The following CTNNA2 variants were observed in gnomAD, a reference collection of about 807,000 sequenced individuals.
The protein encoded by CTNNA2 is catenin alpha 2, also known as catenin alpha-2.
CTNNA2 carries 42 observed loss-of-function variants against 101.0 expected under a neutral mutation model. The ratio of observed to expected loss-of-function variants is 0.42; its 90% CI spans 0.32 to 0.54. The LOEUF is 0.54. Among genes scored for constraint, CTNNA2 ranks in the 20% least tolerant of loss-of-function variants. The probability of loss-of-function intolerance (pLI) is 0.14; values close to 1 mark genes in which losing one functional copy is unlikely to be tolerated. For synonymous variants in CTNNA2, 450 were observed against 456.4 expected (o/e 0.99, Z 0.18); for missense variants, 871 against 1,223.1 (o/e 0.71, Z 4.29).
chr2:80,348,383 G>A (rs1183487509), intron 7 of CTNNA2, among the ~76,000 whole-genome samples: 1 of 152,136 alleles, frequency 6.6e-6, no homozygotes, highest in Non-Finnish European at 1.5e-5. Flanking sequence ...ATGGTCTAAA[G>A]AATGTCATTT....
intron 1 of CTNNA2, among the ~76,000 whole-genome samples, chr2:79,645,084 G>A (rs1001081847): frequency 6.6e-6 from 1 of 152,064 alleles, no homozygotes; most frequent in Admixed American, 6.5e-5. Flanking sequence ...CTGGGCTCAG[G>A]CCATCTTCCC....
intron 7 of CTNNA2, among the ~76,000 whole-genome samples, chr2:80,356,206 C>T (rs1449679829): frequency 5.3e-5 from 8 of 152,148 alleles, no homozygotes; most frequent in Non-Finnish European, 1.2e-4. Flanking sequence ...AAGAAGTTGG[C>T]TGTCTATAAA....
At chr2:80,187,758 C>T (rs1000293969) in intron 7 of CTNNA2, among the ~76,000 whole-genome samples, 4 of 151,822 alleles carry the variant, frequency 2.6e-5, no homozygotes, top group Admixed American at 2.6e-4. Flanking sequence ...TTATAGTTAT[C>T]ACAGATGCCT....
At chr2:80,246,115 T>A (rs1367242324) in intron 7 of CTNNA2, among the ~76,000 whole-genome samples, 1 of 152,094 alleles carries the variant, frequency 6.6e-6, no homozygotes, top group African/African-American at 2.4e-5. Flanking sequence ...TTTTTACCTG[T>A]TTATATCTTG....
At chr2:80,595,995 G>A (rs1305136053) in intron 15 of CTNNA2, among the ~76,000 whole-genome samples, 1 of 152,120 alleles carries the variant, frequency 6.6e-6, no homozygotes, top group African/African-American at 2.4e-5. Flanking sequence ...CTATCCATGA[G>A]CATGGAATGT....
At chr2:80,322,996 G>T (rs1457366988) in intron 7 of CTNNA2, among the ~76,000 whole-genome samples, 3 of 152,192 alleles carry the variant, frequency 2.0e-5, no homozygotes, top group Non-Finnish European at 2.9e-5. Context: ...GTATTAACCG[G>T]AGAGGAACTC....
chr2:80,423,131 A>G (rs1005451371), intron 9 of CTNNA2, among the ~76,000 whole-genome samples: 1 of 152,108 alleles, frequency 6.6e-6, no homozygotes, highest in South Asian at 2.1e-4. Flanking sequence ...AATTTTAAAA[A>G]TAAGCTTTCA....
chr2:79,474,162 A>C (rs1229536810), intron 4 of CTNNA2, among the ~76,000 whole-genome samples: 1 of 152,224 alleles, frequency 6.6e-6, no homozygotes, highest in African/African-American at 2.4e-5. Context: ...AAATGAAAGG[A>C]GGAAGAAGTA....
intron 3 of CTNNA2, among the ~76,000 whole-genome samples, chr2:79,344,978 T>C (rs1677228927): frequency 6.7e-6 from 1 of 150,294 alleles, no homozygotes; most frequent in Non-Finnish European, 1.5e-5. Context: ...AAGTGTTAAA[T>C]CCTTTGTACT....
intron 3 of CTNNA2, among the ~76,000 whole-genome samples, chr2:79,340,591 T>C (rs1380582564): frequency 1.3e-5 from 2 of 152,064 alleles, no homozygotes; most frequent in East Asian, 1.9e-4. Context: ...CCCAGCACTT[T>C]GGGAGGCCAA....
At chr2:79,879,032 T>C (rs1683230605) in intron 6 of CTNNA2, among the ~76,000 whole-genome samples, 1 of 152,210 alleles carries the variant, frequency 6.6e-6, no homozygotes, top group East Asian at 1.9e-4. Flanking sequence ...TTTAGTTTTC[T>C]GCCTATGACT....
At chr2:79,833,247 G>C (rs1161879464) in intron 3 of CTNNA2, among the ~76,000 whole-genome samples, 1 of 152,172 alleles carries the variant, frequency 6.6e-6, no homozygotes, top group Non-Finnish European at 1.5e-5. Context: ...ATATCAGAAA[G>C]GTAGGCTAGC....
At chr2:79,509,271 A>G (rs35452167), upstream of CTNNA2, among the ~76,000 whole-genome samples, 57,172 of 151,686 alleles carry the variant, frequency 0.38, 10,892 homozygotes, top group East Asian at 0.4. Flanking sequence ...TAATAAATAT[A>G]GTGACAGGGT....
At chr2:79,747,042 A>G (rs1452075126) in intron 3 of CTNNA2, among the ~76,000 whole-genome samples, 1 of 152,172 alleles carries the variant, frequency 6.6e-6, no homozygotes, top group African/African-American at 2.4e-5. Flanking sequence ...TAGTACCTGG[A>G]AACACCAACC....
At chr2:80,501,284 C>T (rs555396813) in intron 9 of CTNNA2, among the ~76,000 whole-genome samples, 124 of 152,292 alleles carry the variant, frequency 8.1e-4, no homozygotes, top group African/African-American at 2.9e-3. Context: ...TAACTTGAGC[C>T]TGCACAATCA....
intron 7 of CTNNA2, among the ~76,000 whole-genome samples, chr2:80,204,491 A>T (rs1415760466): frequency 6.6e-6 from 1 of 152,220 alleles, no homozygotes; most frequent in Non-Finnish European, 1.5e-5. Context: ...TCTCTTTGCT[A>T]AAACATAACA....
chr2:80,089,533 T>C (rs1030718937), intron 7 of CTNNA2, among the ~76,000 whole-genome samples: 1 of 151,832 alleles, frequency 6.6e-6, no homozygotes, highest in Admixed American at 6.6e-5. Flanking sequence ...GATACTTTTT[T>C]TTTTATTTTA....
intron 3 of CTNNA2, among the ~76,000 whole-genome samples, chr2:79,332,394 C>T (rs1034703748): frequency 1.3e-5 from 2 of 151,900 alleles, no homozygotes; most frequent in Non-Finnish European, 2.9e-5. Context: ...TAGCTTGCCC[C>T]TTCACCTACA....
chr2:79,773,448 G>A (rs568204556), intron 3 of CTNNA2, among the ~76,000 whole-genome samples: 15 of 152,252 alleles, frequency 9.9e-5, no homozygotes, highest in African/African-American at 3.4e-4. Context: ...GGGACAGCTC[G>A]AAGCAGGGAG....
Sources: allele counts gnomAD v4.1 joint callset (sites outside exome capture counted in the v4.1 genomes callset), GRCh38; gene constraint gnomAD v4.1.1; transcripts MANE v1.5; gene names NCBI Gene and HGNC (gene_info 2026-07-23, HGNC 2026-07-21).